The following NRXN3 variants were observed in gnomAD, a reference collection of about 807,000 sequenced individuals.
NRXN3 encodes the protein neurexin III.
A neutral mutation model predicts 137.6 loss-of-function variants in NRXN3; 32 were observed. The observed-to-expected ratio is 0.23, with a 90% CI of 0.18 to 0.31. NRXN3 has a LOEUF of 0.31. Ranked by LOEUF, NRXN3 falls within the 10% of genes least tolerant of loss-of-function variation. NRXN3 has a pLI of 1.00. For synonymous variants in NRXN3, 798 were observed against 784.5 expected (o/e 1.02, Z -0.29); for missense variants, 1,574 against 2,062.5 (o/e 0.76, Z 4.59).
intron 4 of NRXN3, among the ~76,000 whole-genome samples, chr14:78,539,925 G>C: frequency 6.6e-6 from 1 of 152,204 alleles, no homozygotes; most frequent in East Asian, 1.9e-4. Flanking sequence ...TTTTGAGTGA[G>C]TTTCTTAATC....
At position 79,692,517 on chromosome 14, in the gene NRXN3, G is replaced by T. The variant is rs998590593; in HGVS notation, c.3706+255G>T. ...TGACAAACACAAACAAGAAATTCCA[G>T]GAACTTCTAAAACAGAAATGTATTA... On this transcript the variant is annotated intron_variant, in intron 18 of 20. Coordinates refer to ENST00000335750, the MANE Select transcript of NRXN3 (RefSeq NM_001330195.2). Among the ~76,000 whole-genome samples, 3 of 152,080 alleles carry T rather than the reference G, an allele frequency of 2.0e-5. No homozygotes were observed. In the South Asian group the frequency reaches 6.2e-4, roughly 31 times the overall value.
At position 79,320,780 on chromosome 14, in the gene NRXN3, G is replaced by C. The variant is rs533250396; in HGVS notation, c.3263-146441G>C. Among the ~76,000 whole-genome samples, 25 of 152,036 alleles carry C rather than the reference G, an allele frequency of 1.6e-4. No individual in the cohort carries two copies. In the South Asian group the frequency reaches 4.0e-3, roughly 24 times the overall value. On this transcript the variant is annotated intron_variant, in intron 15 of 20. Transcript: ENST00000335750. ...TTGGTACAGTATTAAGGCTATATCTGGGAAAACCAACAAAACGTGTCATAT... is the reference window on the plus strand; with the variant it reads ...TTGGTACAGTATTAAGGCTATATCTCGGAAAACCAACAAAACGTGTCATAT...
intron 16 of NRXN3, among the ~76,000 whole-genome samples, chr14:79,533,224 T>C (rs1030276021): frequency 2.0e-5 from 3 of 152,200 alleles, no homozygotes; most frequent in Non-Finnish European, 4.4e-5. Context: ...AGGAGCTTTC[T>C]CATGATGCAT....
intron 15 of NRXN3, among the ~76,000 whole-genome samples, chr14:79,005,531 A>G (rs1468716406): frequency 6.6e-6 from 1 of 152,110 alleles, no homozygotes; most frequent in Admixed American, 6.5e-5. Flanking sequence ...TTTATGTTTA[A>G]ACATCTCAAA....
At chr14:78,189,421 T>C (rs1236902837) in intron 1 of NRXN3, among the ~76,000 whole-genome samples, 1 of 152,178 alleles carries the variant, frequency 6.6e-6, no homozygotes, top group Non-Finnish European at 1.5e-5. Flanking sequence ...CCACCTGCAG[T>C]GTCCCCTGGG....
chr14:79,805,340 A>G (rs150956386), intron 20 of NRXN3, 150 bp downstream of exon 20: 8 of 354,460 alleles, frequency 2.3e-5, no homozygotes, highest in African/African-American at 1.5e-4. Context: ...ATAAGTATAC[A>G]TATATAAATA....
intron 15 of NRXN3, among the ~76,000 whole-genome samples, chr14:79,416,102 T>C (rs2095492649): frequency 6.6e-6 from 1 of 152,058 alleles, no homozygotes. Flanking sequence ...CGAAACCAAA[T>C]GTCTGTATTT....
chr14:78,515,568 A>C (rs1457913674), intron 4 of NRXN3, among the ~76,000 whole-genome samples: 1 of 151,932 alleles, frequency 6.6e-6, no homozygotes, highest in Non-Finnish European at 1.5e-5. Flanking sequence ...TTTTTTTTCT[A>C]TGAAAACTAC....
At chr14:79,569,731 C>T (rs2097582166) in intron 16 of NRXN3, among the ~76,000 whole-genome samples, 1 of 151,944 alleles carries the variant, frequency 6.6e-6, no homozygotes, top group African/African-American at 2.4e-5. Context: ...GCCTCAGCCT[C>T]CTGAGTAGCT....
chr14:78,783,983 A>T (rs2098779671), intron 8 of NRXN3, among the ~76,000 whole-genome samples: 1 of 150,770 alleles, frequency 6.6e-6, no homozygotes, highest in Non-Finnish European at 1.5e-5. Context: ...TCTAGAACAT[A>T]GCTACATCAT....
intron 16 of NRXN3, among the ~76,000 whole-genome samples, chr14:79,562,060 A>T (rs2153779709): frequency 6.6e-6 from 1 of 152,294 alleles, no homozygotes; most frequent in South Asian, 2.1e-4. Flanking sequence ...CATTCAAGTT[A>T]AATTTGTCTG....
At chr14:79,810,737 A>G (rs929819718) in intron 20 of NRXN3, among the ~76,000 whole-genome samples, 4 of 152,192 alleles carry the variant, frequency 2.6e-5, no homozygotes, top group Non-Finnish European at 5.9e-5. Flanking sequence ...GGAAAGTATC[A>G]TCTGAAAATC....
chr14:79,084,574 C>T (rs2047716434), intron 15 of NRXN3, among the ~76,000 whole-genome samples: 1 of 152,154 alleles, frequency 6.6e-6, no homozygotes, highest in Admixed American at 6.5e-5. Flanking sequence ...CTGTAATCAT[C>T]TATGGCTTCT....
chr14:79,861,816 G>C lies in NRXN3; in HGVS notation c.4568G>C (p.Arg1523Thr). ...TACGCCATGTACAAGTACAGGAACA[G>C]GGACGAGGGGTCCTATCAAGTGGAC... ...LLYAMYKYRN[R>T]DEGSYQVDET... Residue 1523 changes from arginine (R) to threonine (T), a missense_variant, in exon 21 of 21, where the codon AGG becomes ACG. Around this residue, in one of 5 missense-constraint regions of NRXN3, gnomAD observed 320 missense variants for 387.1 expected, o/e 0.83. Transcript: ENST00000335750. The surrounding 1 kb of genome is among the most constrained non-coding windows in gnomAD (Gnocchi z 5.4). 6.2e-7 allele frequency: 1 copy of C among 1,614,132 alleles called. No homozygotes were observed. Among genetic ancestry groups the C allele is most frequent in the Non-Finnish European group, 8.5e-7 (1 of 1,180,038 alleles).
At chr14:79,774,799 A>G (rs1282120289) in intron 19 of NRXN3, among the ~76,000 whole-genome samples, 1 of 152,146 alleles carries the variant, frequency 6.6e-6, no homozygotes, top group Non-Finnish European at 1.5e-5. Context: ...AAATTTTACT[A>G]GATAATCTTT....
At chr14:78,245,012 T>C (rs532551350) in intron 2 of NRXN3, among the ~76,000 whole-genome samples, 2 of 152,340 alleles carry the variant, frequency 1.3e-5, no homozygotes, top group East Asian at 3.9e-4. Context: ...CTGGACTTAC[T>C]CACGGCTTAG....
At chr14:79,566,676 G>C (rs2097553389) in intron 16 of NRXN3, among the ~76,000 whole-genome samples, 1 of 152,088 alleles carries the variant, frequency 6.6e-6, no homozygotes, top group African/African-American at 2.4e-5. Flanking sequence ...CTCAAACCCA[G>C]TGCCCTTCAT....
chr14:78,713,750 G>A (rs2098419647), intron 7 of NRXN3, among the ~76,000 whole-genome samples: 1 of 152,176 alleles, frequency 6.6e-6, no homozygotes, highest in Non-Finnish European at 1.5e-5. Flanking sequence ...AGAGAGAAGT[G>A]CAGTGCCAGC....
At chr14:78,882,991 G>T (rs2099133664) in intron 10 of NRXN3, among the ~76,000 whole-genome samples, 1 of 152,124 alleles carries the variant, frequency 6.6e-6, no homozygotes, top group Admixed American at 6.5e-5. Context: ...TCTCACAAGA[G>T]CTGATGATTT....
Sources: allele counts gnomAD v4.1 joint callset (sites outside exome capture counted in the v4.1 genomes callset), GRCh38; gene constraint gnomAD v4.1.1; regional missense constraint gnomAD v4.1.1; non-coding constraint Gnocchi (gnomAD v3.1); transcripts MANE v1.5; gene names NCBI Gene and HGNC (gene_info 2026-07-23, HGNC 2026-07-21).